NCKAP5: variants seen among roughly 807,000 people sequenced by gnomAD.
NCKAP5 encodes the protein NCK associated protein 5.
A neutral mutation model predicts 167.0 loss-of-function variants in NCKAP5; 92 were observed. The ratio of observed to expected loss-of-function variants is 0.55; its 90% confidence interval spans 0.47 to 0.66. The LOEUF (loss-of-function observed/expected upper bound fraction) is 0.66. Ranked by LOEUF, NCKAP5 falls within the 30% of genes least tolerant of loss-of-function variation. The probability of loss-of-function intolerance (pLI) is 0.00; values close to 1 mark genes in which losing one functional copy is unlikely to be tolerated. For missense variants in NCKAP5, 2,378 were observed against 2,315.0 expected, an observed-to-expected ratio of 1.03 and a Z score of -0.56; for synonymous variants, 891 against 877.4, an observed-to-expected ratio of 1.02 and a Z score of -0.27.
rs59917411 is a variant in NCKAP5, at chr2:132,839,704, A to C, written c.807+20788T>G. ...GCCCAAGAGGTTGAGGCTATAGTGA[A>C]CTTTGATCATGGCACTGCTCTCCAG... On this transcript the variant is annotated intron_variant, in intron 11 of 19. Transcript: ENST00000409261. Among the ~76,000 whole-genome samples the C allele has an allele frequency of 9.4e-3, 1,353 of 144,030 alleles. 14 individuals are homozygous for C. The highest frequency in any genetic ancestry group is 0.034 in the African/African-American group (1,299 of 37,832). 94.5% of individuals were successfully genotyped at this position (144,030 alleles called of 152,430 possible). A position where few individuals can be genotyped will look rare whatever the true frequency, so the allele number is the denominator to read the frequency against.
At chr2:132,780,859 G>T (rs1682969737) in intron 15 of NCKAP5, among the ~76,000 whole-genome samples, 193 bp downstream of exon 15, 1 of 152,180 alleles carries the variant, frequency 6.6e-6, no homozygotes, top group Non-Finnish European at 1.5e-5. Flanking sequence ...GCCCACTCGA[G>T]GTCCAGCTGC....
intron 6 of NCKAP5, among the ~76,000 whole-genome samples, chr2:133,080,520 G>A (rs2080766409): frequency 6.6e-6 from 1 of 152,148 alleles, no homozygotes; most frequent in Non-Finnish European, 1.5e-5. Context: ...GTCTACAGCT[G>A]CTTTTATGCT....
chr2:133,616,471 T>C, the NCKAP5 span, among the ~76,000 whole-genome samples: 1 of 150,586 alleles, frequency 6.6e-6, no homozygotes, highest in African/African-American at 2.4e-5. Flanking sequence ...AAAGGGGATA[T>C]CACCACCGAT....
chr2:132,706,084 T>TACAC, intron 19 of NCKAP5, among the ~76,000 whole-genome samples: 2 of 151,934 alleles, frequency 1.3e-5, no homozygotes, highest in Middle Eastern at 6.8e-3. Flanking sequence ...TTATATACAT[T>TACAC]ACACACACAC....
intron 16 of NCKAP5, among the ~76,000 whole-genome samples, chr2:132,762,230 A>G (rs1372263004): frequency 1.3e-5 from 2 of 149,628 alleles, no homozygotes; most frequent in African/African-American, 4.9e-5. Context: ...GCATATAGAG[A>G]GCTCTTAATA....
intron 19 of NCKAP5, among the ~76,000 whole-genome samples, chr2:132,679,067 A>C (rs1186787242): frequency 1.3e-5 from 2 of 152,186 alleles, no homozygotes. Flanking sequence ...TTAAAAAAAT[A>C]AAAGAAAAAG....
intron 3 of NCKAP5, among the ~76,000 whole-genome samples, chr2:133,452,825 G>A (rs1691632078): frequency 1.3e-5 from 2 of 152,112 alleles, no homozygotes; most frequent in African/African-American, 4.8e-5. Flanking sequence ...GAAGCCATGT[G>A]TGGCCTCTTT....
chr2:133,368,995 A>T (rs992325883), intron 3 of NCKAP5, among the ~76,000 whole-genome samples: 1 of 152,228 alleles, frequency 6.6e-6, no homozygotes, highest in Non-Finnish European at 1.5e-5. Flanking sequence ...TCCAGACAAC[A>T]AGACCACTGA....
At chr2:133,297,481 G>T (rs977158358) in intron 4 of NCKAP5, among the ~76,000 whole-genome samples, 12 of 152,078 alleles carry the variant, frequency 7.9e-5, no homozygotes, top group African/African-American at 2.9e-4. Flanking sequence ...TATTAGACAG[G>T]ACCCCAAAAT....
chr2:132,921,044 G>C (rs942834539), intron 8 of NCKAP5, among the ~76,000 whole-genome samples: 1 of 151,448 alleles, frequency 6.6e-6, no homozygotes, highest in African/African-American at 2.4e-5. Flanking sequence ...TCCATCATCA[G>C]CAGGAAAGAC....
chr2:133,554,580 C>T (rs1162065187), intron 2 of NCKAP5: 1 of 152,122 alleles, frequency 6.6e-6, no homozygotes, highest in Non-Finnish European at 1.5e-5. Flanking sequence ...CAATATATTT[C>T]TCATGTCTAT....
chr2:132,799,733 T>A (rs1011675586), intron 11 of NCKAP5, among the ~76,000 whole-genome samples: 10 of 152,228 alleles, frequency 6.6e-5, no homozygotes, highest in South Asian at 4.2e-4. Flanking sequence ...TGTTTAGTTT[T>A]AAAAAAATAA....
intron 3 of NCKAP5, among the ~76,000 whole-genome samples, chr2:133,346,274 G>A (rs1683972485): frequency 1.3e-5 from 2 of 152,180 alleles, no homozygotes; most frequent in African/African-American, 2.4e-5. Flanking sequence ...AAGGGCTGCA[G>A]GGATGCAAAA....
intron 3 of NCKAP5, among the ~76,000 whole-genome samples, chr2:133,465,691 G>C (rs1692527864): frequency 6.6e-6 from 1 of 152,000 alleles, no homozygotes. Flanking sequence ...ACTTTTTAAT[G>C]ATTGCCATTC....
chr2:133,374,928 C>T (rs1481837700), intron 3 of NCKAP5, among the ~76,000 whole-genome samples: 2 of 152,178 alleles, frequency 1.3e-5, no homozygotes, highest in Non-Finnish European at 2.9e-5. Flanking sequence ...CTCCGAAATA[C>T]TCAGAAGACT....
Position 132,782,549 on chromosome 2 carries a change from C to A in NCKAP5, c.4262G>T (p.Cys1421Phe), listed in dbSNP as rs546554912. ...CCCTGGGCTCTGCAGGGCTTCAGGG[C>A]AGTCTGTTGGGGTGGGTGGGCAACT... ...RRSCPPTPTD[C>F]PEALQSPGRT... Residue 1421 changes from cysteine to phenylalanine, a missense_variant, in exon 14 of 20, where the codon TGC becomes TTC. Physicochemically the swap from Cys to Phe is radical, Grantham distance 205. Coordinates refer to ENST00000409261, the MANE Select transcript of NCKAP5 (RefSeq NM_207363.3). The A allele has an allele frequency of 6.3e-7, 1 of 1,590,018 alleles. No individual in the cohort carries two copies. The highest frequency in any genetic ancestry group is 1.2e-5 in the South Asian group (1 of 85,616).
chr2:133,107,667 G>A (rs952118899), intron 6 of NCKAP5, among the ~76,000 whole-genome samples: 3 of 152,196 alleles, frequency 2.0e-5, no homozygotes, highest in African/African-American at 7.2e-5. Flanking sequence ...GGCGGGTGCT[G>A]TGCCATGTTC....
intron 6 of NCKAP5, among the ~76,000 whole-genome samples, chr2:133,053,736 G>A (rs2149491887): frequency 6.6e-6 from 1 of 152,200 alleles, no homozygotes. Context: ...TCCGGTTCCT[G>A]GTGTCTCTGC....
chr2:133,588,430 C>T, the NCKAP5 span, among the ~76,000 whole-genome samples: 1 of 116,618 alleles, frequency 8.6e-6, no homozygotes, highest in Non-Finnish European at 1.7e-5. Flanking sequence ...TTCCTTCCTT[C>T]CCTAATTCCT....
Sources: gnomAD v4.1 joint callset for allele counts (sites outside exome capture counted in the v4.1 genomes callset) on GRCh38, gnomAD v4.1.1 for gene constraint, MANE v1.5 for transcripts, NCBI Gene and HGNC (gene_info 2026-07-23, HGNC 2026-07-21) for gene names.